The following NCOR2 variants were observed in gnomAD, a reference collection of about 807,000 sequenced individuals.
NCOR2 encodes CTG repeat protein 26.
A neutral mutation model predicts 262.9 loss-of-function variants in NCOR2; 81 were observed. That is an observed-to-expected ratio of 0.31 (90% CI 0.26 to 0.37). The LOEUF is 0.37. Ranked by LOEUF, NCOR2 falls within the 10% of genes least tolerant of loss-of-function variation. The probability of loss-of-function intolerance (pLI) is 1.00; values close to 1 mark genes in which losing one functional copy is unlikely to be tolerated. For synonymous variants in NCOR2, 1,659 were observed against 1,559.3 expected (o/e 1.06, Z -1.51); for missense variants, 3,385 against 3,621.4 (o/e 0.93, Z 1.68).
chr12:124,469,820 T>C (rs2046735299), intron 4 of NCOR2, among the ~76,000 whole-genome samples: 1 of 152,148 alleles, frequency 6.6e-6, no homozygotes, highest in African/African-American at 2.4e-5. Flanking sequence ...GATACCGCTG[T>C]ACAACCACTA....
intron 22 of NCOR2, among the ~76,000 whole-genome samples, chr12:124,359,521 G>A (rs1295974321): frequency 6.6e-6 from 1 of 152,208 alleles, no homozygotes; most frequent in Non-Finnish European, 1.5e-5. Context: ...ACAGATGCAG[G>A]GGAATTCTCA....
intron 32 of NCOR2, 55 bp from the exon 35 acceptor site, chr12:124,343,281 G>A: frequency 6.7e-7 from 1 of 1,495,088 alleles, no homozygotes; most frequent in Non-Finnish European, 9.1e-7. Flanking sequence ...TTTACGGGGA[G>A]TTGTTTGAGG....
chr12:124,501,066 A>ACG (rs1566002023), intron 1 of NCOR2, among the ~76,000 whole-genome samples: 19 of 17,086 alleles, frequency 1.1e-3, no homozygotes, highest in African/African-American at 2.7e-3. Context: ...ACGCGCGCAC[A>ACG]CACACACACA....
At position 124,549,296 on chromosome 12, in the gene NCOR2, G is replaced by A. The variant is rs890625728; in HGVS notation, c.-164-13685C>T. On this transcript the variant is annotated intron_variant, in intron 1 of 32. Transcript: ENST00000458234. This position sits in a 1 kb window ranked among gnomAD's most constrained non-coding sequence, Gnocchi z 4.4. The stretch of plus-strand genomic sequence containing the variant: ...TGGCGGTGGGAGGGGCAGGGCCGCG[G>A]CTGGAGGATAAAATCCCACACTCCC... Among the ~76,000 whole-genome samples, 1 of 151,504 alleles carries A rather than the reference G, an allele frequency of 6.6e-6. No individual in the cohort carries two copies. The highest frequency in any genetic ancestry group is 2.4e-5 in the African/African-American group (1 of 41,354).
At chr12:124,349,680 A>G (rs534670938) in intron 28 of NCOR2, among the ~76,000 whole-genome samples, 2 of 152,294 alleles carry the variant, frequency 1.3e-5, no homozygotes, top group Non-Finnish European at 2.9e-5. Flanking sequence ...ACTGAAACCC[A>G]TGATGAAGAC....
At position 124,504,606 on chromosome 12, in the gene NCOR2, T is replaced by C. The variant is rs2048946233; in HGVS notation, c.-117-9238A>G. Among the ~76,000 whole-genome samples, 1 of 152,204 alleles carries C rather than the reference T, an allele frequency of 6.6e-6. No individual in the cohort carries two copies. The highest frequency in any genetic ancestry group is 1.5e-5 in the Non-Finnish European group (1 of 68,046). On this transcript the variant is annotated intron_variant, in intron 1 of 46. Coordinates refer to the NCOR2 transcript ENST00000404621. This position sits in a 1 kb window ranked among gnomAD's most constrained non-coding sequence, Gnocchi z 4.5. ...TTAGAATGCCCACAGCAGCACTATT[T>C]ACATCAGCCAACAAGCAGAAACAAC...
rs528414207 is a variant in NCOR2, at chr12:124,367,041, A to C, written c.2808-3242T>G. 3.9e-4 allele frequency among the ~76,000 whole-genome samples: 59 copies of C among 152,358 alleles called. No individual in the cohort carries two copies. The South Asian group carries it at 7.0e-3, about 18-fold the overall frequency. Reference sequence around the variant, plus strand: ...AAATGCAAACGTTTGTATATGTGTAAAGATAATTCTATAGAGATAAAAATA... The same window carrying C: ...AAATGCAAACGTTTGTATATGTGTACAGATAATTCTATAGAGATAAAAATA... On this transcript the variant is annotated intron_variant, in intron 20 of 46. Coordinates refer to ENST00000405201, the Ensembl canonical transcript of NCOR2.
chr12:124,529,747 G>A (rs1173583356), intron 1 of NCOR2: 1 of 152,246 alleles, frequency 6.6e-6, no homozygotes, highest in Non-Finnish European at 1.5e-5. Flanking sequence ...GGCAGCAAAA[G>A]CTGAAAAATG....
At chr12:124,550,802 C>T (rs1566052157) in intron 1 of NCOR2, among the ~76,000 whole-genome samples, 1 of 152,222 alleles carries the variant, frequency 6.6e-6, no homozygotes, top group Admixed American at 6.5e-5. Context: ...GCAAAGCCCC[C>T]GTGGAGCACC....
chr12:124,384,771 C>T (rs2040668055), intron 17 of NCOR2, among the ~76,000 whole-genome samples: 2 of 152,026 alleles, frequency 1.3e-5, no homozygotes, highest in South Asian at 2.1e-4. Context: ...ACACACTTTA[C>T]ACCCAGGCAC....
At chr12:124,411,062 A>G (rs2042554680) in intron 13 of NCOR2, among the ~76,000 whole-genome samples, 2 of 116,304 alleles carry the variant, frequency 1.7e-5, no homozygotes, top group Admixed American at 9.2e-5. Context: ...GGAAGAGGAG[A>G]GATGGGGGAG....
At chr12:124,537,243 G>A (rs961275405), upstream of NCOR2, among the ~76,000 whole-genome samples, 7 of 152,330 alleles carry the variant, frequency 4.6e-5, no homozygotes, top group East Asian at 9.6e-4. Flanking sequence ...TGCACTGAGG[G>A]GTTTATACAT....
chr12:124,368,871 G>A (rs923715396), intron 20 of NCOR2, among the ~76,000 whole-genome samples: 2 of 152,232 alleles, frequency 1.3e-5, no homozygotes, highest in African/African-American at 2.4e-5. Flanking sequence ...CAGCGCCCCC[G>A]GCGCCTGGCG....
chr12:124,466,916 C>T (rs1269448938), intron 4 of NCOR2, among the ~76,000 whole-genome samples: 1 of 151,920 alleles, frequency 6.6e-6, no homozygotes, highest in African/African-American at 2.4e-5. Context: ...GTGCAAAGCA[C>T]GCAGCACCTG....
At chr12:124,363,627 G>T in intron 21 of NCOR2, 52 bp downstream of exon 23, 1 of 1,319,086 alleles carries the variant, frequency 7.6e-7, no homozygotes, top group East Asian at 2.8e-5. Context: ...TCAATGAATG[G>T]GAAAGTCAAG....
At chr12:124,490,244 C>A (rs1389118879) in intron 1 of NCOR2, among the ~76,000 whole-genome samples, 1 of 152,190 alleles carries the variant, frequency 6.6e-6, no homozygotes, top group African/African-American at 2.4e-5. Context: ...CTACTTAAAT[C>A]TGGGCTCCCC....
chr12:124,383,398 C>T, intron 17 of NCOR2: 1 of 330,238 alleles, frequency 3.0e-6, no homozygotes, highest in Non-Finnish European at 5.2e-6. Context: ...GGATCTCTGG[C>T]TGCATGTTCG....
chr12:124,358,157 G>T (rs924924767), intron 22 of NCOR2, among the ~76,000 whole-genome samples: 1 of 149,396 alleles, frequency 6.7e-6, no homozygotes, highest in African/African-American at 2.5e-5. Context: ...ATGTGTGTGT[G>T]TGCCTGTACA....
At chr12:124,484,167 C>A (rs899735504) in intron 2 of NCOR2, among the ~76,000 whole-genome samples, 1 of 152,212 alleles carries the variant, frequency 6.6e-6, no homozygotes, top group Non-Finnish European at 1.5e-5. Context: ...GGGTGGTTCA[C>A]AGGCACAGTC....
Sources: gnomAD v4.1 joint callset for allele counts (sites outside exome capture counted in the v4.1 genomes callset) on GRCh38, gnomAD v4.1.1 for gene constraint, Gnocchi (gnomAD v3.1) non-coding constraint, MANE v1.5 for transcripts, NCBI Gene and HGNC (gene_info 2026-07-23, HGNC 2026-07-21) for gene names.